The following MSRA variants were observed in gnomAD, a reference collection of about 807,000 sequenced individuals.
MSRA encodes the protein mitochondrial peptide methionine sulfoxide reductase.
MSRA carries 54 observed loss-of-function variants against 31.3 expected under a neutral mutation model. The observed-to-expected ratio is 1.73, with a 90% CI of 1.39 to 2.17. MSRA has a LOEUF of 2.17. Ranked by LOEUF, MSRA falls within the 30% of genes most tolerant of loss-of-function variation. The probability of loss-of-function intolerance (pLI) is 0.00; values close to 1 mark genes in which losing one functional copy is unlikely to be tolerated. For missense variants in MSRA, 507 were observed against 300.9 expected (o/e 1.69, Z -5.07); for synonymous variants, 169 against 116.5 (o/e 1.45, Z -2.90).
At chr8:10,237,332 T>C (rs1403640392) in intron 2 of MSRA, among the ~76,000 whole-genome samples, 1 of 152,254 alleles carries the variant, frequency 6.6e-6, no homozygotes, top group African/African-American at 2.4e-5. Context: ...AAATCACTTT[T>C]ATAGAGATGG....
chr8:10,424,660 C>T (rs147998832), intron 5 of MSRA, among the ~76,000 whole-genome samples: 3 of 141,200 alleles, frequency 2.1e-5, no homozygotes, highest in East Asian at 2.2e-4. Context: ...CTAAACTGGA[C>T]GGGGAGAAGG....
At position 10,095,558 on chromosome 8, in the gene MSRA, G is replaced by A. The variant is rs527320102; in HGVS notation, c.142+40900G>A. ...TGCCATACTGGGAGCAAAAGAGTGA[G>A]AGAGAGAAAGAGGGAGAGAGAGAGG... On this transcript the variant is annotated intron_variant, in intron 1 of 5. Coordinates refer to ENST00000317173, the MANE Select transcript of MSRA (RefSeq NM_012331.5). The A allele has an allele frequency of 1.8e-4, 181 of 985,716 alleles. No homozygotes were observed. In the South Asian group the frequency reaches 5.9e-3, roughly 32 times the overall value. 61.1% of individuals were successfully genotyped at this position (985,716 alleles called of 1,614,324 possible).
chr8:10,080,133 A>C (rs1202975348), intron 1 of MSRA, among the ~76,000 whole-genome samples: 2 of 152,110 alleles, frequency 1.3e-5, no homozygotes, highest in Non-Finnish European at 2.9e-5. Flanking sequence ...CTTGAGGCAA[A>C]GGCAGAGAAA....
chr8:10,321,335 T>A (rs1802031065), intron 5 of MSRA, among the ~76,000 whole-genome samples: 1 of 152,114 alleles, frequency 6.6e-6, no homozygotes, highest in Admixed American at 6.5e-5. Context: ...CCCCCAGGAA[T>A]GAGTGCAGAG....
chr8:10,321,290 T>C (rs1802028845), intron 5 of MSRA, among the ~76,000 whole-genome samples: 1 of 152,168 alleles, frequency 6.6e-6, no homozygotes, highest in Non-Finnish European at 1.5e-5. Context: ...AGCTAATCTA[T>C]GTTAGAATTT....
At chr8:10,099,683 T>G (rs1390667108) in intron 1 of MSRA, among the ~76,000 whole-genome samples, 1 of 152,218 alleles carries the variant, frequency 6.6e-6, no homozygotes, top group African/African-American at 2.4e-5. Context: ...TTATCTTGTT[T>G]CTCTGTTGCT....
chr8:10,195,187 T>A lies in MSRA; in HGVS notation c.143-12646T>A, dbSNP rs547554703. Among the ~76,000 whole-genome samples the A allele has an allele frequency of 2.4e-3, 365 of 152,380 alleles. 3 individuals carry two copies. Among genetic ancestry groups the A allele is most frequent in the South Asian group, 0.014 (67 of 4,826 alleles). On this transcript the variant is annotated intron_variant, in intron 1 of 5. Coordinates refer to ENST00000317173, the MANE Select transcript of MSRA (RefSeq NM_012331.5). ...TGTCTTTGTCCGTGAGCAAAGCCTG[T>A]GCTATGGAAGCTCAACTGGGATGAA...
intron 4 of MSRA, among the ~76,000 whole-genome samples, chr8:10,302,067 A>G (rs560097683): frequency 6.6e-6 from 1 of 152,154 alleles, no homozygotes; most frequent in Non-Finnish European, 1.5e-5. Context: ...GGATTTTTTT[A>G]AAAAAATGTA....
intron 1 of MSRA, among the ~76,000 whole-genome samples, chr8:10,068,887 C>T (rs950214563): frequency 2.0e-5 from 3 of 152,186 alleles, no homozygotes; most frequent in Admixed American, 6.5e-5. Flanking sequence ...GAACTGACAT[C>T]TTGAAAATAT....
chr8:10,259,877 C>G (rs937463210), intron 3 of MSRA, among the ~76,000 whole-genome samples: 29 of 152,228 alleles, frequency 1.9e-4, no homozygotes, highest in African/African-American at 6.8e-4. Flanking sequence ...GTGTTCCTGA[C>G]TCGGGCTCTG....
At chr8:10,405,863 TCA>T (rs1188981227) in intron 5 of MSRA, among the ~76,000 whole-genome samples, 2 of 152,124 alleles carry the variant, frequency 1.3e-5, no homozygotes, top group Non-Finnish European at 1.5e-5. Flanking sequence ...ACCCATGTAC[TCA>T]CACATACACA....
intron 2 of MSRA, among the ~76,000 whole-genome samples, chr8:10,219,571 A>G (rs1810297540): frequency 6.6e-6 from 1 of 151,956 alleles, no homozygotes; most frequent in African/African-American, 2.4e-5. Flanking sequence ...GCACTTTGGG[A>G]GGCTGAGGTG....
At chr8:10,418,556 TTTGA>T (rs1808616844) in intron 5 of MSRA, among the ~76,000 whole-genome samples, 1 of 151,944 alleles carries the variant, frequency 6.6e-6, no homozygotes. Flanking sequence ...TAAGCAAGTA[TTTGA>T]TTGTGAGTTT....
chr8:10,179,947 C>T (rs1181667753), intron 1 of MSRA, among the ~76,000 whole-genome samples: 2 of 152,152 alleles, frequency 1.3e-5, no homozygotes, highest in Non-Finnish European at 2.9e-5. Context: ...ACATTTCTGA[C>T]ACCAACTGTA....
At chr8:10,341,824 C>T (rs1803445189) in intron 5 of MSRA, among the ~76,000 whole-genome samples, 1 of 152,224 alleles carries the variant, frequency 6.6e-6, no homozygotes, top group Admixed American at 6.5e-5. Flanking sequence ...CATGAATGGG[C>T]AGATGATTTG....
At chr8:10,418,324 C>T (rs1476799779) in intron 5 of MSRA, among the ~76,000 whole-genome samples, 1 of 152,098 alleles carries the variant, frequency 6.6e-6, no homozygotes, top group African/African-American at 2.4e-5. Context: ...CACAGCCATT[C>T]CTCCTTGCCA....
At chr8:10,284,116 C>T (rs1799804985) in intron 3 of MSRA, among the ~76,000 whole-genome samples, 1 of 151,974 alleles carries the variant, frequency 6.6e-6, no homozygotes, top group Non-Finnish European at 1.5e-5. Context: ...ACATTCCTGC[C>T]ACTGCTTTTC....
intron 5 of MSRA, among the ~76,000 whole-genome samples, chr8:10,403,315 A>G (rs1187280309): frequency 6.6e-6 from 1 of 152,192 alleles, no homozygotes; most frequent in Admixed American, 6.5e-5. Flanking sequence ...ACATCAACCC[A>G]GCCAACGAGA....
intron 1 of MSRA, among the ~76,000 whole-genome samples, chr8:10,086,583 A>G (rs1041546932): frequency 9.2e-5 from 14 of 152,238 alleles, no homozygotes; most frequent in African/African-American, 3.1e-4. Context: ...AGTAATACCT[A>G]TTTTCCTCCA....
Sources: allele counts gnomAD v4.1 joint callset (sites outside exome capture counted in the v4.1 genomes callset), GRCh38; gene constraint gnomAD v4.1.1; transcripts MANE v1.5; gene names NCBI Gene and HGNC (gene_info 2026-07-23, HGNC 2026-07-21).